Variants in DLGAP4 observed in about 807,000 individuals in gnomAD.
DLGAP4 encodes disks large-associated protein 4.
In DLGAP4, 18 loss-of-function variants were observed where a neutral mutation model predicts 86.9. The observed-to-expected ratio is 0.21, with a 90% confidence interval of 0.14 to 0.31. The LOEUF is 0.31. Among genes scored for constraint, DLGAP4 ranks in the 10% least tolerant of loss-of-function variants. DLGAP4 has a pLI of 1.00. For synonymous variants in DLGAP4, 548 were observed against 574.3 expected (o/e 0.95, Z 0.65); for missense variants, 1,085 against 1,362.6 (o/e 0.80, Z 3.21).
chr20:36,408,566 G>A (rs1013017006), intron 2 of DLGAP4, among the ~76,000 whole-genome samples: 21 of 152,126 alleles, frequency 1.4e-4, no homozygotes, highest in African/African-American at 3.6e-4. Context: ...TTGCCTTTGC[G>A]GGAAGAGGGA....
At chr20:36,343,217 G>A (rs2065401781) in intron 1 of DLGAP4, among the ~76,000 whole-genome samples, 3 of 152,186 alleles carry the variant, frequency 2.0e-5, no homozygotes, top group African/African-American at 4.8e-5. Context: ...TGGAAGGCAG[G>A]GAGTCTGAGG....
chr20:36,526,271 C>A (rs562103170), intron 12 of DLGAP4: 1 of 614,630 alleles, frequency 1.6e-6, no homozygotes, highest in South Asian at 1.9e-5. Flanking sequence ...CCCACAGCCT[C>A]AATCACGTTA....
intron 10 of DLGAP4, among the ~76,000 whole-genome samples, chr20:36,506,871 A>C (rs117459306): frequency 1.3e-5 from 2 of 152,080 alleles, no homozygotes; most frequent in Non-Finnish European, 2.9e-5. Flanking sequence ...CTTTGTCTCT[A>C]TGAGTTTGAC....
chr20:36,443,709 C>A, intron 6 of DLGAP4, among the ~76,000 whole-genome samples: 1 of 152,166 alleles, frequency 6.6e-6, no homozygotes, highest in Non-Finnish European at 1.5e-5. Flanking sequence ...AGTAAATCCT[C>A]AGTGATACAC....
chr20:36,474,061 A>G (rs770184021), intron 7 of DLGAP4, among the ~76,000 whole-genome samples: 1 of 152,284 alleles, frequency 6.6e-6, no homozygotes, highest in Non-Finnish European at 1.5e-5. Flanking sequence ...CATGAGGACA[A>G]CAGAAACTTG....
intron 1 of DLGAP4, among the ~76,000 whole-genome samples, chr20:36,326,845 A>T (rs1336029684): frequency 1.3e-5 from 2 of 152,074 alleles, no homozygotes; most frequent in Non-Finnish European, 2.9e-5. Flanking sequence ...GCATGGAATT[A>T]TAAGTTAACA....
rs2033603798 is a variant in DLGAP4, at chr20:36,446,807, C to G, written c.1518C>G (p.Phe506Leu). Residue 506 changes from phenylalanine to leucine, a missense_variant, in exon 7 of 13, where the codon TTC (phenylalanine) becomes TTG (leucine). Phe to Leu is a conservative substitution (Grantham distance 22, BLOSUM62 0). Transcript: ENST00000339266. Reference protein sequence around the residue: ...ETLDLPLPSYFRSRSHSYLRA... With the variant: ...ETLDLPLPSYLRSRSHSYLRA... ...TTGACTTGCCACTGCCCAGCTACTT[C>G]CGCTCCCGCAGCCACAGCTACCTGC... 6.2e-7 allele frequency: 1 copy of G among 1,612,684 alleles called. No homozygotes were observed. The highest frequency in any genetic ancestry group is 1.3e-5 in the African/African-American group (1 of 74,940).
At chr20:36,461,338 A>G in intron 7 of DLGAP4, 1 of 498,340 alleles carries the variant, frequency 2.0e-6, no homozygotes, top group Non-Finnish European at 2.6e-6. Flanking sequence ...GCGCCGGGCC[A>G]CATGCCAAGC....
chr20:36,312,379 A>ACGCGAACACACG (rs2065061303), intron 1 of DLGAP4, among the ~76,000 whole-genome samples: 1 of 148,918 alleles, frequency 6.7e-6, no homozygotes, highest in Non-Finnish European at 1.5e-5. Context: ...ACACACGCAC[A>ACGCGAACACACG]CACACACACA....
chr20:36,389,780 G>A (rs1467531537), intron 2 of DLGAP4, among the ~76,000 whole-genome samples: 2 of 152,156 alleles, frequency 1.3e-5, no homozygotes, highest in African/African-American at 4.8e-5. Flanking sequence ...AAGGAAACAA[G>A]AAGTAGCATG....
At chr20:36,311,656 G>A (rs1327415046) in intron 1 of DLGAP4, among the ~76,000 whole-genome samples, 4 of 152,168 alleles carry the variant, frequency 2.6e-5, no homozygotes, top group African/African-American at 9.7e-5. Context: ...GAGCACCGAT[G>A]TCCGGACTCT....
chr20:36,504,581 A>G (rs1412948700), intron 10 of DLGAP4, among the ~76,000 whole-genome samples: 7 of 152,222 alleles, frequency 4.6e-5, no homozygotes, highest in Non-Finnish European at 1.0e-4. Context: ...ACTGCTTTCC[A>G]TAGAAGCTAT....
intron 2 of DLGAP4, among the ~76,000 whole-genome samples, chr20:36,392,949 C>T (rs990702456): frequency 6.6e-6 from 1 of 151,608 alleles, no homozygotes; most frequent in South Asian, 2.1e-4. Context: ...AGAAGCCACA[C>T]GAGGGTCTGG....
chr20:36,390,871 T>C (rs531664683), intron 2 of DLGAP4, among the ~76,000 whole-genome samples: 1 of 151,770 alleles, frequency 6.6e-6, no homozygotes, highest in African/African-American at 2.4e-5. Context: ...CTGACCCTGG[T>C]CCCAGACTGA....
intron 7 of DLGAP4, among the ~76,000 whole-genome samples, chr20:36,459,600 TTTAA>T (rs1022985284): frequency 6.6e-6 from 1 of 152,142 alleles, no homozygotes; most frequent in Non-Finnish European, 1.5e-5. Context: ...CTGGTCTTTT[TTTAA>T]TTAATTAATT....
intron 1 of DLGAP4, among the ~76,000 whole-genome samples, chr20:36,364,762 C>T (rs527708989): frequency 3.7e-4 from 56 of 152,228 alleles, no homozygotes; most frequent in Non-Finnish European, 6.5e-4. Context: ...ACAGATGGCC[C>T]GGACCCAAGA....
At chr20:36,377,522 G>A (rs1359588385) in intron 2 of DLGAP4, among the ~76,000 whole-genome samples, 2 of 152,234 alleles carry the variant, frequency 1.3e-5, no homozygotes, top group African/African-American at 4.8e-5. Flanking sequence ...TATTATTACT[G>A]TGGATGTTGC....
intron 1 of DLGAP4, among the ~76,000 whole-genome samples, chr20:36,348,169 T>G (rs1436477715): frequency 6.6e-6 from 1 of 152,206 alleles, no homozygotes; most frequent in Non-Finnish European, 1.5e-5. Flanking sequence ...AATGTACACT[T>G]TATTCTAGAT....
At chr20:36,489,855 C>CTT (rs764797081) in intron 7 of DLGAP4, among the ~76,000 whole-genome samples, 92 of 107,968 alleles carry the variant, frequency 8.5e-4, no homozygotes, top group African/African-American at 1.4e-3. Context: ...GCTAATTCTT[C>CTT]TTTTTTTTTT....
Sources: allele counts gnomAD v4.1 joint callset (sites outside exome capture counted in the v4.1 genomes callset), GRCh38; gene constraint gnomAD v4.1.1; transcripts MANE v1.5; gene names NCBI Gene and HGNC (gene_info 2026-07-23, HGNC 2026-07-21).